MSH3: variants seen among roughly 807,000 people sequenced by gnomAD.
MSH3 encodes the protein mutS homolog 3, also known as DNA mismatch repair protein Msh3.
MSH3 carries 106 observed loss-of-function variants against 123.3 expected under a neutral mutation model. The observed-to-expected ratio is 0.86, with a 90% CI of 0.73 to 1.01. MSH3 has a LOEUF of 1.01. Ranked by LOEUF, MSH3 falls within the 50% of genes least tolerant of loss-of-function variation. MSH3 has a pLI of 0.00. For missense variants in MSH3, 1,459 were observed against 1,347.6 expected, an observed-to-expected ratio of 1.08 and a Z score of -1.29; for synonymous variants, 515 against 481.4, an observed-to-expected ratio of 1.07 and a Z score of -0.91.
At chr5:80,765,720 A>G (rs1392467047) in intron 13 of MSH3, among the ~76,000 whole-genome samples, 1 of 152,122 alleles carries the variant, frequency 6.6e-6, no homozygotes, top group Non-Finnish European at 1.5e-5. Flanking sequence ...GTATAGTACT[A>G]TCTTAGATTC....
intron 17 of MSH3, among the ~76,000 whole-genome samples, chr5:80,785,923 C>T (rs895838976): frequency 2.8e-5 from 4 of 141,140 alleles, no homozygotes; most frequent in African/African-American, 1.1e-4. Context: ...TTCTTACTCA[C>T]AGGTGGGAAT....
intron 19 of MSH3, among the ~76,000 whole-genome samples, chr5:80,809,000 A>G (rs1312597765): frequency 6.6e-6 from 1 of 151,072 alleles, no homozygotes; most frequent in Non-Finnish European, 1.5e-5. Context: ...CCTAAGCCAA[A>G]TGTATTTTCA....
intron 20 of MSH3, among the ~76,000 whole-genome samples, chr5:80,847,076 C>G (rs1256697330): frequency 6.6e-6 from 1 of 151,888 alleles, no homozygotes; most frequent in Non-Finnish European, 1.5e-5. Context: ...GGATTTTTTT[C>G]TGAGACAGAT....
At chr5:80,781,593 A>G (rs1744410415) in intron 17 of MSH3, among the ~76,000 whole-genome samples, 1 of 151,678 alleles carries the variant, frequency 6.6e-6, no homozygotes, top group South Asian at 2.1e-4. Context: ...TCAGCCCCCT[A>G]GTAGCTGGGA....
intron 10 of MSH3, among the ~76,000 whole-genome samples, chr5:80,733,629 A>G (rs962142317): frequency 2.0e-5 from 3 of 152,032 alleles, no homozygotes; most frequent in Non-Finnish European, 4.4e-5. Context: ...TTACAAGTCA[A>G]TGGTAAAAAG....
intron 3 of MSH3, among the ~76,000 whole-genome samples, chr5:80,665,821 A>G (rs922385211): frequency 1.3e-5 from 2 of 152,192 alleles, no homozygotes; most frequent in African/African-American, 4.8e-5. Flanking sequence ...TACTTTATCC[A>G]CTATTTGTTT....
intron 22 of MSH3, among the ~76,000 whole-genome samples, chr5:80,865,576 C>G (rs1746085058): frequency 1.3e-5 from 2 of 152,058 alleles, no homozygotes; most frequent in South Asian, 4.2e-4. Context: ...ACTGGTGTCA[C>G]AGAAATGAGA....
At chr5:80,834,242 C>T (rs984225081) in intron 20 of MSH3, among the ~76,000 whole-genome samples, 10 of 152,006 alleles carry the variant, frequency 6.6e-5, no homozygotes, top group Admixed American at 4.6e-4. Context: ...CCCACAGAGC[C>T]GCCTCAGAAT....
At chr5:80,805,917 G>A (rs576407871) in intron 19 of MSH3, among the ~76,000 whole-genome samples, 3 of 152,008 alleles carry the variant, frequency 2.0e-5, no homozygotes, top group South Asian at 2.1e-4. Context: ...GACAAAAAAA[G>A]CCTTAACTTT....
chr5:80,872,307 CA>C (rs1294930223), intron 22 of MSH3, among the ~76,000 whole-genome samples: 4 of 147,746 alleles, frequency 2.7e-5, no homozygotes, highest in Non-Finnish European at 3.0e-5. Context: ...CCCATCTCTA[CA>C]AAAAAAAAAT....
intron 2 of MSH3, among the ~76,000 whole-genome samples, chr5:80,662,201 G>A (rs1173935105): frequency 6.6e-6 from 1 of 152,148 alleles, no homozygotes. Flanking sequence ...ACAGTAACAT[G>A]CTATACAGGT....
At chr5:80,820,005 A>G (rs748679005) in intron 20 of MSH3, among the ~76,000 whole-genome samples, 20 of 152,226 alleles carry the variant, frequency 1.3e-4, no homozygotes, top group Non-Finnish European at 2.8e-4. Flanking sequence ...AGACCATGCA[A>G]TGCTAGAGAA....
chr5:80,808,327 A>G (rs1744934847), intron 19 of MSH3, among the ~76,000 whole-genome samples: 1 of 151,960 alleles, frequency 6.6e-6, no homozygotes, highest in African/African-American at 2.4e-5. Context: ...ATGCCTTTTT[A>G]TTGTTATGTT....
chr5:80,823,147 G>A (rs913666723), intron 20 of MSH3, among the ~76,000 whole-genome samples: 3 of 152,122 alleles, frequency 2.0e-5, no homozygotes, highest in African/African-American at 4.8e-5. Flanking sequence ...AAATATATGT[G>A]GAGAAAACCA....
chr5:80,821,953 T>A (rs1280719447), intron 20 of MSH3, among the ~76,000 whole-genome samples: 3 of 152,254 alleles, frequency 2.0e-5, no homozygotes, highest in Non-Finnish European at 2.9e-5. Context: ...CTTCTGCCGT[T>A]ATCTGTGAAA....
chr5:80,704,956 C>A (rs1424270505), intron 8 of MSH3, among the ~76,000 whole-genome samples: 1 of 152,114 alleles, frequency 6.6e-6, no homozygotes, highest in African/African-American at 2.4e-5. Flanking sequence ...GCCAGACAGC[C>A]TGTGTTTGGA....
chr5:80,719,910 C>T (rs1406737853), intron 8 of MSH3, among the ~76,000 whole-genome samples: 1 of 152,126 alleles, frequency 6.6e-6, no homozygotes, highest in African/African-American at 2.4e-5. Flanking sequence ...GTTAAAGCGC[C>T]GAGTACTGGG....
intron 10 of MSH3, among the ~76,000 whole-genome samples, chr5:80,740,367 T>C (rs1401522972): frequency 2.6e-5 from 4 of 151,800 alleles, no homozygotes; most frequent in Non-Finnish European, 4.4e-5. Flanking sequence ...TCTCTTTTTT[T>C]TTTTTTTGGA....
At chr5:80,868,062 AC>A (rs1746136098) in intron 22 of MSH3, among the ~76,000 whole-genome samples, 1 of 152,224 alleles carries the variant, frequency 6.6e-6, no homozygotes, top group South Asian at 2.1e-4. Context: ...AATCAAAACC[AC>A]AGTGAGATAC....
Sources: allele counts gnomAD v4.1 joint callset (sites outside exome capture counted in the v4.1 genomes callset), GRCh38; gene constraint gnomAD v4.1.1; transcripts MANE v1.5; gene names NCBI Gene and HGNC (gene_info 2026-07-23, HGNC 2026-07-21).